Variants in JPT1 observed in about 807,000 individuals in gnomAD.
The protein encoded by JPT1 is Jupiter microtubule associated homolog 1, also known as androgen-regulated protein 2.
In JPT1, 5 loss-of-function variants were observed where a neutral mutation model predicts 17.0. The ratio of observed to expected loss-of-function variants is 0.29; its 90% CI spans 0.15 to 0.62. The LOEUF (loss-of-function observed/expected upper bound fraction) is 0.62, where lower values mean the gene tolerates loss of function less well. Ranked by LOEUF, JPT1 falls within the 20% of genes least tolerant of loss-of-function variation. JPT1 has a pLI of 0.85. For missense variants in JPT1, 158 were observed against 188.1 expected (o/e 0.84, Z 0.94); for synonymous variants, 71 against 73.6 (o/e 0.96, Z 0.18).
At chr17:75,149,514 C>T (rs1253227132) in intron 1 of JPT1, among the ~76,000 whole-genome samples, 1 of 152,032 alleles carries the variant, frequency 6.6e-6, no homozygotes, top group Non-Finnish European at 1.5e-5. Context: ...ACTACAGGCG[C>T]CCGCCACCAC....
intron 1 of JPT1, chr17:75,153,444 G>A (rs909978431): frequency 6.6e-6 from 1 of 152,126 alleles, no homozygotes; most frequent in Non-Finnish European, 1.5e-5. Flanking sequence ...CCCCGCCCAA[G>A]AACAAGAAAC....
chr17:75,139,249 C>T (rs4789145), intron 4 of JPT1, among the ~76,000 whole-genome samples: 72,824 of 152,080 alleles, frequency 0.48, 21,029 homozygotes, highest in Non-Finnish European at 0.65. Flanking sequence ...TCCTGCTATA[C>T]ATACAGGATC....
At chr17:75,145,001 C>T (rs946289202) in intron 4 of JPT1, among the ~76,000 whole-genome samples, 9 of 151,644 alleles carry the variant, frequency 5.9e-5, no homozygotes, top group East Asian at 3.9e-4. Flanking sequence ...ACTGTGAGGC[C>T]GGGCGCAGTG....
chr17:75,142,131 C>A (rs2074325143), intron 4 of JPT1, among the ~76,000 whole-genome samples: 1 of 152,112 alleles, frequency 6.6e-6, no homozygotes, highest in African/African-American at 2.4e-5. Context: ...TGTGGTAGGA[C>A]TATTGACACA....
intron 1 of JPT1, 43 bp downstream of exon 1, chr17:75,154,299 C>T (rs907228332): frequency 2.7e-5 from 40 of 1,483,148 alleles, no homozygotes; most frequent in Admixed American, 6.6e-5. Context: ...GCCCTCCCAG[C>T]CCCTCAGCCC....
intron 1 of JPT1, among the ~76,000 whole-genome samples, chr17:75,150,917 G>A (rs966502249): frequency 7.4e-6 from 1 of 134,982 alleles, no homozygotes; most frequent in African/African-American, 2.7e-5. Flanking sequence ...GCAATGGTGC[G>A]ATCTCGGCTC....
chr17:75,149,250 GGACTCTGAGAC>G (rs1484734113), intron 1 of JPT1: 66 of 355,054 alleles, frequency 1.9e-4, no homozygotes, highest in Middle Eastern at 8.2e-4. Context: ...CAGCTACACT[GGACTCTGAGAC>G]AGAAGGATCG....
At chr17:75,151,258 T>G (rs943683856) in intron 1 of JPT1, among the ~76,000 whole-genome samples, 1 of 152,110 alleles carries the variant, frequency 6.6e-6, no homozygotes, top group East Asian at 1.9e-4. Flanking sequence ...GCTTGAACCC[T>G]GTAGGAGGCG....
At chr17:75,147,997 C>T (rs139791095) in intron 2 of JPT1, 166 of 247,828 alleles carry the variant, frequency 6.7e-4, no homozygotes, top group African/African-American at 3.5e-3. Context: ...CAGAATGAGA[C>T]TCTTATCTCA....
intron 4 of JPT1, among the ~76,000 whole-genome samples, chr17:75,142,135 T>C (rs1319994260): frequency 6.6e-6 from 1 of 152,138 alleles, no homozygotes; most frequent in South Asian, 2.1e-4. Flanking sequence ...GTAGGACTAT[T>C]GACACATTGT....
rs1392399862 is a variant in JPT1, at chr17:75,135,966, A to G, written c.*136T>C. On this transcript the variant is annotated 3_prime_UTR_variant, in exon 5 of 5. Coordinates refer to ENST00000409753, the MANE Select transcript of JPT1 (RefSeq NM_016185.4). ...GAGAGAAACCTGTTCTTCAAAAGAA[A>G]AAAAAAAAAGACAGCAGTACATAAA... 1.3e-6 allele frequency: 2 copies of G among 1,559,276 alleles called. No homozygotes were observed. Among genetic ancestry groups the G allele is most frequent in the African/African-American group, 2.8e-5 (2 of 72,148 alleles).
At chr17:75,139,628 T>C (rs1339549090) in intron 4 of JPT1, among the ~76,000 whole-genome samples, 1 of 151,966 alleles carries the variant, frequency 6.6e-6, no homozygotes, top group Non-Finnish European at 1.5e-5. Context: ...TGAGACCAGC[T>C]TGGCCAACAT....
Position 75,147,580 on chromosome 17 carries a change from G to A in JPT1, c.273C>T (p.Ser91=). ...GLQRRNSSEA[S]SGDFLDLKGE... ...CCTTCAGATCTAAGAAGTCTCCGGAGCTTGCTTCAGAGGAGTTCCTTCTCT... is the reference window on the plus strand; with the variant it reads ...CCTTCAGATCTAAGAAGTCTCCGGAACTTGCTTCAGAGGAGTTCCTTCTCT... Residue 91 remains serine, a synonymous_variant, in exon 3 of 5, where the codon AGC becomes AGT. Transcript: ENST00000409753. 6.2e-7 allele frequency: 1 copy of A among 1,613,852 alleles called. No individual in the cohort carries two copies. The highest frequency in any genetic ancestry group is 8.5e-7 in the Non-Finnish European group (1 of 1,179,782).
At chr17:75,144,196 C>A (rs1275782443) in intron 4 of JPT1, among the ~76,000 whole-genome samples, 33 of 152,154 alleles carry the variant, frequency 2.2e-4, no homozygotes, top group Admixed American at 2.2e-3. Context: ...AGTATCTCCT[C>A]ACTGGGCTGT....
At chr17:75,142,920 C>G (rs919739914) in intron 4 of JPT1, 4 of 392,376 alleles carry the variant, frequency 1.0e-5, no homozygotes, top group African/African-American at 8.4e-5. Context: ...TTTTTGTCCA[C>G]AGCTACTGGC....
Position 75,140,873 on chromosome 17 carries a change from C to T in JPT1, c.317-4623G>A, listed in dbSNP as rs765996088. Among the ~76,000 whole-genome samples the T allele has an allele frequency of 1.0e-3, 155 of 152,180 alleles. 1 individual carries two copies. Among genetic ancestry groups the T allele is most frequent in the Non-Finnish European group, 1.9e-3 (129 of 68,008 alleles). Reference sequence around the variant, plus strand: ...TTGGGAGGCCAAGGCAGGTGGATCACGAGGTAAGGAGTTCGAGACCGGCCT... The same window carrying T: ...TTGGGAGGCCAAGGCAGGTGGATCATGAGGTAAGGAGTTCGAGACCGGCCT... On this transcript the variant is annotated intron_variant, in intron 4 of 4. Transcript: ENST00000409753.
intron 4 of JPT1, among the ~76,000 whole-genome samples, chr17:75,141,790 G>A (rs575956673): frequency 3.3e-5 from 5 of 151,942 alleles, no homozygotes; most frequent in Non-Finnish European, 7.4e-5. Context: ...TTAGTTGAGC[G>A]AGGCTGGGCG....
intron 1 of JPT1, chr17:75,153,473 C>T (rs899005093): frequency 1.3e-5 from 2 of 152,184 alleles, no homozygotes; most frequent in African/African-American, 4.8e-5. Context: ...GCAAGGGAAC[C>T]AGGGCCAGGG....
In JPT1 at chr17:75,135,803, T is replaced by C; in HGVS notation, c.*299A>G. 1.8e-6 allele frequency: 1 copy of C among 565,764 alleles called. No individual in the cohort carries two copies. Among genetic ancestry groups the C allele is most frequent in the South Asian group, 2.5e-5 (1 of 40,744 alleles). The allele number at this position is 565,764 out of a possible 1,614,324, so 35.0% of individuals were successfully genotyped here. ...CCAAGTAAAGTGTTAAAAACCTCAGTACAAAAGATCCTCTAACACATCTGG... is the reference window on the plus strand; with the variant it reads ...CCAAGTAAAGTGTTAAAAACCTCAGCACAAAAGATCCTCTAACACATCTGG... On this transcript the variant is annotated 3_prime_UTR_variant, in exon 5 of 5. Transcript: ENST00000409753.
Sources: gnomAD v4.1 joint callset for allele counts (sites outside exome capture counted in the v4.1 genomes callset) on GRCh38, gnomAD v4.1.1 for gene constraint, MANE v1.5 for transcripts, NCBI Gene and HGNC (gene_info 2026-07-23, HGNC 2026-07-21) for gene names.